SP7: variants seen among roughly 807,000 people sequenced by gnomAD.
SP7 encodes the protein Sp7 transcription factor.
In SP7, 13 loss-of-function variants were observed where a neutral mutation model predicts 27.9. The observed-to-expected ratio is 0.47, with a 90% CI of 0.30 to 0.74. The LOEUF is 0.74. Ranked by LOEUF, SP7 falls within the 30% of genes least tolerant of loss-of-function variation. The probability of loss-of-function intolerance (pLI) is 0.06; values close to 1 mark genes in which losing one functional copy is unlikely to be tolerated. For synonymous variants in SP7, 219 were observed against 226.7 expected (o/e 0.97, Z 0.31); for missense variants, 525 against 558.0 (o/e 0.94, Z 0.60).
At chr12:53,333,084 A>T (rs1565792175) in intron 2 of SP7, among the ~76,000 whole-genome samples, 1 of 152,142 alleles carries the variant, frequency 6.6e-6, no homozygotes, top group Non-Finnish European at 1.5e-5. Context: ...AGGGCCCTCG[A>T]GGGCAGGGAA....
At position 53,344,290 on chromosome 12, in the gene SP7, T is replaced by C. The variant is rs1399135561; in HGVS notation, c.-34+824A>G. 2.0e-5 allele frequency among the ~76,000 whole-genome samples: 3 copies of C among 151,992 alleles called. No homozygotes were observed. Among genetic ancestry groups the C allele is most frequent in the Non-Finnish European group, 4.4e-5 (3 of 67,990 alleles). On this transcript the variant is annotated intron_variant, in intron 1 of 1. Transcript: ENST00000547755. This position sits in a 1 kb window ranked among gnomAD's most constrained non-coding sequence, Gnocchi z 4.6. ...CCAACAGTGAAGGGCCAGGGCAGTA[T>C]CTGAGGACCTGGCCCTCAGTCTCCC...
chr12:53,338,648 C>T (rs1944795805), upstream of SP7, among the ~76,000 whole-genome samples: 2 of 152,104 alleles, frequency 1.3e-5, 1 homozygote, highest in South Asian at 4.1e-4. Context: ...AAGGGGCAGA[C>T]GTATTCAAAC....
intron 2 of SP7, among the ~76,000 whole-genome samples, chr12:53,330,063 T>C (rs1944686848): frequency 6.6e-6 from 1 of 151,990 alleles, no homozygotes; most frequent in Non-Finnish European, 1.5e-5. Context: ...AAAAATTATT[T>C]TTTGAGACAA....
chr12:53,341,836 G>A (rs373278951), intron 1 of SP7, among the ~76,000 whole-genome samples: 6 of 152,276 alleles, frequency 3.9e-5, no homozygotes, highest in African/African-American at 1.2e-4. Context: ...TGAGGAGGGC[G>A]GATCACGAGG....
intron 2 of SP7, among the ~76,000 whole-genome samples, chr12:53,330,749 A>C (rs1223759820): frequency 1.3e-5 from 2 of 152,092 alleles, no homozygotes; most frequent in Non-Finnish European, 2.9e-5. Flanking sequence ...CCGATATTCC[A>C]TTTCCTGTCG....
At chr12:53,338,139 G>A (rs887883315), upstream of SP7, among the ~76,000 whole-genome samples, 3 of 120,258 alleles carry the variant, frequency 2.5e-5, no homozygotes, top group African/African-American at 8.6e-5. Context: ...GAGGAGGAGG[G>A]TTGTGTTGCC....
chr12:53,329,243 G>A lies in SP7; in HGVS notation c.199C>T (p.Pro67Ser), dbSNP rs182659396. The A allele has an allele frequency of 3.6e-5, 58 of 1,613,812 alleles. No individual in the cohort carries two copies. The Admixed American group carries it at 7.5e-4, about 21-fold the overall frequency. The change falls in exon 3 of 3, where the codon CCC (proline) becomes TCC (serine). Residue 67 changes from proline to serine, a missense_variant. Coordinates refer to ENST00000536324, the MANE Select transcript of SP7 (RefSeq NM_001173467.3). ...AGGAGCCCATTAGTGCTTGTAAAGG[G>A]GGCTGGATAAGCATCCCCCATGGTT... ...SKTMGDAYPA[P>S]FTSTNGLLSP...
upstream of SP7, among the ~76,000 whole-genome samples, chr12:53,339,803 T>C (rs1315581646): frequency 6.6e-6 from 1 of 151,594 alleles, no homozygotes. Flanking sequence ...GGGATGCTAC[T>C]TCCATCGTCC....
chr12:53,342,746 CG>C (rs1944834797), intron 1 of SP7, among the ~76,000 whole-genome samples: 1 of 151,650 alleles, frequency 6.6e-6, no homozygotes, highest in Admixed American at 6.6e-5. Context: ...ACCTGGGAGG[CG>C]GGGGTTGCAG....
chr12:53,331,534 A>C (rs966276195), intron 2 of SP7, among the ~76,000 whole-genome samples: 4 of 151,044 alleles, frequency 2.6e-5, no homozygotes, highest in Non-Finnish European at 4.4e-5. Context: ...TGCTGCTACC[A>C]GGCCAAACCA....
At position 53,328,115 on chromosome 12, in the gene SP7, C is replaced by T. The variant is rs771586553; in HGVS notation, c.*31G>A. 1.3e-6 allele frequency: 2 copies of T among 1,553,392 alleles called. No homozygotes were observed. The highest frequency in any genetic ancestry group is 1.2e-5 in the South Asian group (1 of 82,822). Reference sequence around the variant, plus strand: ...AGAGAGCCAAGAGAGACTGTCAGGGCAGCCCTGGGGTGGGAGACCTTCCAC... The same window carrying T: ...AGAGAGCCAAGAGAGACTGTCAGGGTAGCCCTGGGGTGGGAGACCTTCCAC... On this transcript the variant is annotated 3_prime_UTR_variant, in exon 3 of 3. Coordinates refer to ENST00000536324, the MANE Select transcript of SP7 (RefSeq NM_001173467.3). This position sits in a 1 kb window ranked among gnomAD's most constrained non-coding sequence, Gnocchi z 5.1.
At chr12:53,343,359 C>T (rs918391487) in intron 1 of SP7, among the ~76,000 whole-genome samples, 1 of 152,014 alleles carries the variant, frequency 6.6e-6, no homozygotes, top group African/African-American at 2.4e-5. Flanking sequence ...TAGACTTGAT[C>T]CAAAGGCAAT....
upstream of SP7, among the ~76,000 whole-genome samples, chr12:53,339,292 C>A (rs560099712): frequency 3.7e-4 from 57 of 152,294 alleles, no homozygotes; most frequent in Non-Finnish European, 4.1e-4. Flanking sequence ...CCACAGGAAC[C>A]ATTCCCTTCC....
chr12:53,339,463 CG>C (rs1427078126), upstream of SP7, among the ~76,000 whole-genome samples: 3 of 151,994 alleles, frequency 2.0e-5, no homozygotes, highest in Non-Finnish European at 4.4e-5. Flanking sequence ...CAGTGGCTCA[CG>C]CCGGTAATCC....
At chr12:53,337,986 A>C (rs943623564), upstream of SP7, among the ~76,000 whole-genome samples, 3 of 152,160 alleles carry the variant, frequency 2.0e-5, no homozygotes, top group African/African-American at 7.2e-5. Context: ...AACAACAACA[A>C]CAACAAAAAA....
At position 53,326,586 on chromosome 12, in the gene SP7, A is replaced by G. The variant is rs1477980035; in HGVS notation, c.*1560T>C. On this transcript the variant is annotated 3_prime_UTR_variant, in exon 3 of 3. Transcript: ENST00000536324. ...TCACCAGGACAAAATTTCAAATCCA[A>G]CTTTTATTTATTAAATTAAAAAAAA... 6.6e-6 allele frequency: 1 copy of G among 151,796 alleles called. No homozygotes were observed. Among genetic ancestry groups the G allele is most frequent in the African/African-American group, 2.4e-5 (1 of 41,268 alleles). 9.4% of individuals were successfully genotyped at this position (151,796 alleles called of 1,614,324 possible). A position where few individuals can be genotyped will look rare whatever the true frequency, so the allele number is the denominator to read the frequency against.
At chr12:53,336,033 G>A (rs1944766718) in intron 1 of SP7, 113 bp downstream of exon 1, 1 of 250,886 alleles carries the variant, frequency 4.0e-6, no homozygotes, top group East Asian at 8.7e-5. Context: ...GCTTCCTCGG[G>A]GGGCTGCTGA....
At chr12:53,335,728 AGG>A in intron 1 of SP7, 35 bp from the exon 2 acceptor site, 1 of 1,210,948 alleles carries the variant, frequency 8.3e-7, no homozygotes, top group Non-Finnish European at 1.1e-6. Flanking sequence ...GAGAGAGAAA[AGG>A]GAGAGGGAGG....
rs1294471020 is a variant in SP7 at position 53,328,942 on chromosome 12, C to T, written c.500G>A (p.Trp167Ter). ...PWWDMHPGGN[W>*]LGGGQGQGDG... The stretch of plus-strand genomic sequence containing the variant: ...ACCCTGGCCCTGCCCACCACCTAGC[C>T]AGTTGCCTCCAGGGTGCATATCCCA... The change falls in exon 3 of 3, where the codon TGG becomes TAG. Residue 167 changes from tryptophan to a stop codon, truncating the protein, a stop_gained. Coordinates refer to ENST00000536324, the MANE Select transcript of SP7 (RefSeq NM_001173467.3). LOFTEE classifies it high-confidence loss of function. The surrounding 1 kb of genome is among the most constrained non-coding windows in gnomAD (Gnocchi z 5.1). 6.2e-7 allele frequency: 1 copy of T among 1,611,376 alleles called. No individual in the cohort carries two copies. The highest frequency in any genetic ancestry group is 8.5e-7 in the Non-Finnish European group (1 of 1,178,686).
Sources: gnomAD v4.1 joint callset for allele counts (sites outside exome capture counted in the v4.1 genomes callset) on GRCh38, gnomAD v4.1.1 for gene constraint, Gnocchi (gnomAD v3.1) non-coding constraint, MANE v1.5 for transcripts, NCBI Gene and HGNC (gene_info 2026-07-23, HGNC 2026-07-21) for gene names.